Variants in ST3GAL3 observed in about 807,000 individuals in gnomAD.
ST3GAL3 encodes the protein ST3 beta-galactoside alpha-2,3-sialyltransferase 3, also known as CMP-N-acetylneuraminate-beta-1,4-galactoside alpha-2,3-sialyltransferase.
Under a neutral mutation model 50.1 loss-of-function variants are expected in ST3GAL3, and 21 were observed. The observed-to-expected ratio is 0.42, with a 90% confidence interval of 0.30 to 0.60. The LOEUF (loss-of-function observed/expected upper bound fraction) is 0.60, where lower values mean the gene tolerates loss of function less well. ST3GAL3 is among the 20% of genes least tolerant of loss of function. The probability of loss-of-function intolerance (pLI) is 0.19; values close to 1 mark genes in which losing one functional copy is unlikely to be tolerated. For missense variants in ST3GAL3, 353 were observed against 489.4 expected (o/e 0.72, Z 2.63); for synonymous variants, 183 against 190.0 (o/e 0.96, Z 0.30).
chr1:43,761,095 T>A lies in ST3GAL3; in HGVS notation c.118+24715T>A, dbSNP rs577128572. ...CTAAGGGAAATAGGGTGATTCTTCC[T>A]TAACCATTATCTGCCAAGGCCACAC... is the stretch of plus-strand genomic sequence containing the variant. On this transcript the variant is annotated intron_variant, in intron 2 of 11. Transcript: ENST00000347631. 7.2e-5 allele frequency among the ~76,000 whole-genome samples: 11 copies of A among 152,314 alleles called. No homozygotes were observed. The East Asian group carries it at 2.1e-3, about 29-fold the overall frequency.
At chr1:43,781,670 CAG>C (rs1558272883) in intron 2 of ST3GAL3, among the ~76,000 whole-genome samples, 1 of 151,140 alleles carries the variant, frequency 6.6e-6, no homozygotes, top group African/African-American at 2.4e-5. Context: ...AACAAAAAAA[CAG>C]AAGGATATGT....
Position 43,920,932 on chromosome 1 carries a change from C to T in ST3GAL3, c.1038+4C>T, listed in dbSNP as rs925554530. 14 of 1,606,274 alleles carry T rather than the reference C, an allele frequency of 8.7e-6. No homozygotes were observed. The East Asian group carries it at 9.0e-5, about 10-fold the overall frequency. ...TCGCATGGCAGCCATCAAAGAGGTT[C>T]GGGGCTGGGTATGGGGGCAATCCCT... On this transcript the variant is annotated splice_donor_region_variant and intron_variant, in intron 11 of 11. Coordinates refer to ENST00000347631, the MANE Select transcript of ST3GAL3 (RefSeq NM_006279.5).
At chr1:43,723,648 G>C (rs939215676) in intron 1 of ST3GAL3, among the ~76,000 whole-genome samples, 3 of 150,996 alleles carry the variant, frequency 2.0e-5, no homozygotes, top group Non-Finnish European at 4.4e-5. Context: ...GTCTCACTCT[G>C]TTGCCCAGGA....
intron 5 of ST3GAL3, among the ~76,000 whole-genome samples, chr1:43,861,661 TA>T (rs1226469827): frequency 6.6e-6 from 1 of 152,222 alleles, no homozygotes; most frequent in African/African-American, 2.4e-5. Context: ...TACTAACCCA[TA>T]GTCTTTTATG....
intron 2 of ST3GAL3, chr1:43,772,249 T>A (rs943192000): frequency 8.0e-6 from 3 of 372,738 alleles, no homozygotes; most frequent in African/African-American, 2.1e-5. Flanking sequence ...GGTTTCTCCA[T>A]GTTGGTCAGG....
chr1:43,770,919 G>A (rs3791048), intron 2 of ST3GAL3, among the ~76,000 whole-genome samples: 48,166 of 152,066 alleles, frequency 0.32, 9,305 homozygotes, highest in East Asian at 0.53. Flanking sequence ...AATCCAGAAC[G>A]TCCTCTCATG....
intron 2 of ST3GAL3, among the ~76,000 whole-genome samples, chr1:43,758,565 T>C (rs928600735): frequency 1.3e-5 from 2 of 152,132 alleles, no homozygotes; most frequent in Non-Finnish European, 2.9e-5. Flanking sequence ...ATAATAAAAT[T>C]TAAATTGAGA....
chr1:43,804,099 C>G (rs2059615754), intron 3 of ST3GAL3, among the ~76,000 whole-genome samples: 2 of 152,190 alleles, frequency 1.3e-5, no homozygotes, highest in South Asian at 4.1e-4. Context: ...TTGTACAGAT[C>G]TGGGATCATT....
At chr1:43,808,998 T>C (rs1300882026) in intron 3 of ST3GAL3, among the ~76,000 whole-genome samples, 1 of 152,158 alleles carries the variant, frequency 6.6e-6, no homozygotes, top group Non-Finnish European at 1.5e-5. Flanking sequence ...TCAAACTGTT[T>C]CCAAGTGACT....
intron 2 of ST3GAL3, among the ~76,000 whole-genome samples, chr1:43,765,803 C>CCGCGCGCCCGCGCG (rs1692643200): frequency 7.3e-6 from 1 of 137,870 alleles, no homozygotes; most frequent in African/African-American, 3.1e-5. Flanking sequence ...GCGCGCGCGT[C>CCGCGCGCCCGCGCG]CGCGCGTCCG....
At chr1:43,792,300 G>A (rs1387176062) in intron 3 of ST3GAL3, 151 bp downstream of exon 3, 4 of 1,031,106 alleles carry the variant, frequency 3.9e-6, no homozygotes, top group Non-Finnish European at 4.5e-6. Flanking sequence ...AGACTTTATG[G>A]TCAGGGAAGC....
At chr1:43,844,113 A>G (rs559397789) in intron 5 of ST3GAL3, among the ~76,000 whole-genome samples, 3 of 152,354 alleles carry the variant, frequency 2.0e-5, no homozygotes, top group African/African-American at 7.2e-5. Flanking sequence ...GAAGAGATGC[A>G]TAGGGCATGG....
At chr1:43,712,334 G>A (rs931354850) in intron 1 of ST3GAL3, among the ~76,000 whole-genome samples, 1 of 152,068 alleles carries the variant, frequency 6.6e-6, no homozygotes, top group African/African-American at 2.4e-5. Flanking sequence ...TTTCTCCCTT[G>A]GACAGCATCC....
chr1:43,734,130 C>A (rs1677159866), intron 1 of ST3GAL3, among the ~76,000 whole-genome samples: 2 of 151,444 alleles, frequency 1.3e-5, no homozygotes, highest in Non-Finnish European at 2.9e-5. Flanking sequence ...AAAAAAAGAA[C>A]CTCCTTTGTC....
chr1:43,886,842 ATTTGTTTGTTTG>A (rs146758567), intron 5 of ST3GAL3, among the ~76,000 whole-genome samples: 1 of 152,108 alleles, frequency 6.6e-6, no homozygotes, highest in Non-Finnish European at 1.5e-5. Context: ...GCTTTGTCGA[ATTTGTTTGTTTG>A]TTTGTTTGTT....
At chr1:43,877,646 G>T (rs1167434794) in intron 5 of ST3GAL3, among the ~76,000 whole-genome samples, 3 of 152,204 alleles carry the variant, frequency 2.0e-5, no homozygotes, top group Non-Finnish European at 4.4e-5. Flanking sequence ...AGTTTGAGAT[G>T]GAGATTCAGC....
chr1:43,739,203 G>A (rs1477067906), intron 2 of ST3GAL3: 1 of 152,104 alleles, frequency 6.6e-6, no homozygotes, highest in Non-Finnish European at 1.5e-5. Flanking sequence ...TTCATGGCAG[G>A]GGGAAGAGGC....
At chr1:43,770,726 A>T (rs1409977166) in intron 2 of ST3GAL3, among the ~76,000 whole-genome samples, 2 of 152,190 alleles carry the variant, frequency 1.3e-5, no homozygotes, top group African/African-American at 4.8e-5. Context: ...CTCTAGAAAC[A>T]AAGCATCTAA....
At chr1:43,824,718 T>G (rs201400265) in intron 4 of ST3GAL3, 1 of 1,613,954 alleles carries the variant, frequency 6.2e-7, no homozygotes, top group African/African-American at 1.3e-5. Flanking sequence ...AAAGCCAAAT[T>G]CCCACTTTGC....
Sources: gnomAD v4.1 joint callset for allele counts (sites outside exome capture counted in the v4.1 genomes callset) on GRCh38, gnomAD v4.1.1 for gene constraint, MANE v1.5 for transcripts, NCBI Gene and HGNC (gene_info 2026-07-23, HGNC 2026-07-21) for gene names.